The following SLCO3A1 variants were observed in gnomAD, a reference collection of about 807,000 sequenced individuals.
SLCO3A1 encodes the protein PGE1 transporter.
In SLCO3A1, 27 loss-of-function variants were observed where a neutral mutation model predicts 63.1. The ratio of observed to expected loss-of-function variants is 0.43; its 90% CI spans 0.32 to 0.59. SLCO3A1 has a LOEUF of 0.59. Ranked by LOEUF, SLCO3A1 falls within the 20% of genes least tolerant of loss-of-function variation. SLCO3A1 has a pLI of 0.09. For synonymous variants in SLCO3A1, 473 were observed against 409.9 expected, an observed-to-expected ratio of 1.15 and a Z score of -1.86; for missense variants, 773 against 945.8, an observed-to-expected ratio of 0.82 and a Z score of 2.40.
At chr15:91,888,289 T>A (rs1428610530) in intron 1 of SLCO3A1, among the ~76,000 whole-genome samples, 1 of 152,192 alleles carries the variant, frequency 6.6e-6, no homozygotes, top group Non-Finnish European at 1.5e-5. Flanking sequence ...GTTCAGAGAC[T>A]GGCCCGTCGA....
intron 2 of SLCO3A1, among the ~76,000 whole-genome samples, chr15:92,018,351 G>A (rs1187576772): frequency 6.6e-6 from 1 of 152,200 alleles, no homozygotes; most frequent in East Asian, 1.9e-4. Flanking sequence ...GGGCCCTGGT[G>A]ATGGTTCAGA....
At position 91,872,464 on chromosome 15, in the gene SLCO3A1, G is replaced by A. The variant is rs963743611; in HGVS notation, c.180+18376G>A. Among the ~76,000 whole-genome samples the A allele has an allele frequency of 7.2e-5, 11 of 151,908 alleles. No homozygotes were observed. The highest frequency in any genetic ancestry group is 1.9e-4 in the East Asian group (1 of 5,174). On this transcript the variant is annotated intron_variant, in intron 1 of 9. Coordinates refer to ENST00000318445, the MANE Select transcript of SLCO3A1 (RefSeq NM_013272.4). The surrounding 1 kb of genome is among the most constrained non-coding windows in gnomAD (Gnocchi z 4.1). ...GGAGAATCACTTGAACCCGGGAGGC[G>A]GATAGGTTGCAGTGAGCCGAGACCA... is the stretch of plus-strand genomic sequence containing the variant.
intron 2 of SLCO3A1, among the ~76,000 whole-genome samples, chr15:92,086,244 T>A (rs549492669): frequency 3.9e-4 from 60 of 152,324 alleles, no homozygotes; most frequent in African/African-American, 1.4e-3. Context: ...TTTACACTCC[T>A]ACCAGCAGTG....
At chr15:92,067,817 TG>T (rs112437926) in intron 2 of SLCO3A1, among the ~76,000 whole-genome samples, 22,328 of 152,126 alleles carry the variant, frequency 0.15, 1,695 homozygotes, top group African/African-American at 0.18. Context: ...ACAACAGAAA[TG>T]TATTTGTCAT....
chr15:92,004,824 A>G (rs1385288293), intron 2 of SLCO3A1, among the ~76,000 whole-genome samples: 1 of 152,148 alleles, frequency 6.6e-6, no homozygotes, highest in East Asian at 1.9e-4. Flanking sequence ...TTTACTTTTC[A>G]TCCTGGATGC....
intron 2 of SLCO3A1, among the ~76,000 whole-genome samples, chr15:92,049,519 G>T (rs2046931586): frequency 1.3e-5 from 2 of 152,160 alleles, no homozygotes; most frequent in South Asian, 2.1e-4. Flanking sequence ...TTGGGACAAA[G>T]ATTTTACCAA....
In SLCO3A1 at chr15:91,854,860, A is replaced by T. The variant is rs1021222477; in HGVS notation, c.180+772A>T. The stretch of plus-strand genomic sequence containing the variant: ...ATTTGCCTCCAGAAAGGGGATGTTA[A>T]TGCTCAGAGGGCCCATGGGTGCGTA... On this transcript the variant is annotated intron_variant, in intron 1 of 9. Transcript: ENST00000318445. This position sits in a 1 kb window ranked among gnomAD's most constrained non-coding sequence, Gnocchi z 6.4. Among the ~76,000 whole-genome samples, 1 of 152,170 alleles carries T rather than the reference A, an allele frequency of 6.6e-6. No individual in the cohort carries two copies. Among genetic ancestry groups the T allele is most frequent in the East Asian group, 1.9e-4 (1 of 5,182 alleles).
chr15:91,977,733 G>A (rs1426617126), intron 2 of SLCO3A1, among the ~76,000 whole-genome samples: 1 of 152,132 alleles, frequency 6.6e-6, no homozygotes, highest in Non-Finnish European at 1.5e-5. Flanking sequence ...AAAAACACCT[G>A]TACCCCAAAA....
Position 91,872,032 on chromosome 15 carries a change from C to A in SLCO3A1, c.180+17944C>A, listed in dbSNP as rs1897294011. The stretch of plus-strand genomic sequence containing the variant: ...TTCATTGTTTTGCTTTTCAGAATTA[C>A]AAAATGGGATGATGAGTTCAAGGGA... On this transcript the variant is annotated intron_variant, in intron 1 of 9. Coordinates refer to ENST00000318445, the MANE Select transcript of SLCO3A1 (RefSeq NM_013272.4). This position sits in a 1 kb window ranked among gnomAD's most constrained non-coding sequence, Gnocchi z 4.1. Among the ~76,000 whole-genome samples, 1 of 151,978 alleles carries A rather than the reference C, an allele frequency of 6.6e-6. No homozygotes were observed. Among genetic ancestry groups the A allele is most frequent in the South Asian group, 2.1e-4 (1 of 4,824 alleles).
At chr15:92,005,081 C>T (rs1172137333) in intron 2 of SLCO3A1, among the ~76,000 whole-genome samples, 1 of 152,194 alleles carries the variant, frequency 6.6e-6, no homozygotes, top group Non-Finnish European at 1.5e-5. Context: ...ATGATATTTG[C>T]ATTGTTTATT....
intron 9 of SLCO3A1, among the ~76,000 whole-genome samples, chr15:92,158,727 G>A (rs1302307602): frequency 6.6e-6 from 1 of 152,166 alleles, no homozygotes; most frequent in East Asian, 1.9e-4. Flanking sequence ...TGACTCATCA[G>A]GTGAGTTCCA....
At chr15:92,129,011 T>A (rs1278601315) in intron 7 of SLCO3A1, among the ~76,000 whole-genome samples, 1 of 152,212 alleles carries the variant, frequency 6.6e-6, no homozygotes, top group Non-Finnish European at 1.5e-5. Context: ...TTTTCCTGCT[T>A]AGCGTGGATT....
Position 92,016,262 on chromosome 15 carries a change from A to ATAGATAGATAGATATAGATAGATAGAT in SLCO3A1, c.647-78605_647-78604insTAGATAGATAGATTAGATAGATAGATA, listed in dbSNP as rs1567068118. Among the ~76,000 whole-genome samples, 265 of 112,842 alleles carry ATAGATAGATAGATATAGATAGATAGAT rather than the reference A, an allele frequency of 2.3e-3. 2 individuals carry two copies. The highest frequency in any genetic ancestry group is 8.3e-3 in the African/African-American group (250 of 30,098). The allele number at this position is 112,842 out of a possible 152,430, so 74.0% of individuals were successfully genotyped here. A position where few individuals can be genotyped will look rare whatever the true frequency, so the allele number is the denominator to read the frequency against. ...ATAGATAGATAGATAGATTAGATAG[A>ATAGATAGATAGATATAGATAGATAGAT]TAGATAGATAGATAGATAGATGTTA... On this transcript the variant is annotated intron_variant, in intron 2 of 9. Transcript: ENST00000318445.
At chr15:92,114,885 A>G (rs980097986) in intron 4 of SLCO3A1, among the ~76,000 whole-genome samples, 47 of 152,140 alleles carry the variant, frequency 3.1e-4, no homozygotes, top group African/African-American at 1.0e-3. Flanking sequence ...TTCTTGGGCA[A>G]GGTGGAATTT....
chr15:92,090,732 AAG>A (rs1567114196), intron 2 of SLCO3A1, among the ~76,000 whole-genome samples: 3 of 152,182 alleles, frequency 2.0e-5, no homozygotes, highest in Non-Finnish European at 4.4e-5. Flanking sequence ...GAGCTTTGGA[AAG>A]AGAAGGACTG....
At chr15:92,006,856 A>T (rs575145482) in intron 2 of SLCO3A1, among the ~76,000 whole-genome samples, 26 of 152,378 alleles carry the variant, frequency 1.7e-4, no homozygotes, top group African/African-American at 6.3e-4. Flanking sequence ...CTCTAGGGAA[A>T]GCCCCCAAAT....
rs58884056 is a variant in SLCO3A1, at chr15:92,016,204, T to TATAGATAC, written c.647-78670_647-78669insCATAGATA. 5.1e-3 allele frequency among the ~76,000 whole-genome samples: 618 copies of TATAGATAC among 120,174 alleles called. 8 individuals carry two copies. The highest frequency in any genetic ancestry group is 0.011 in the Admixed American group (126 of 11,514). 78.8% of individuals were successfully genotyped at this position (120,174 alleles called of 152,430 possible). On this transcript the variant is annotated intron_variant, in intron 2 of 9. Coordinates refer to ENST00000318445, the MANE Select transcript of SLCO3A1 (RefSeq NM_013272.4). ...TGCAGATTTGTTGTATATATATTTA[T>TATAGATAC]ATAGATAGATAGATAGATAGATAGA...
chr15:92,029,430 G>C (rs2046618296), intron 2 of SLCO3A1, among the ~76,000 whole-genome samples: 1 of 152,188 alleles, frequency 6.6e-6, no homozygotes, highest in Non-Finnish European at 1.5e-5. Context: ...AGGCTTGGTA[G>C]GTGTCCATAT....
intron 3 of SLCO3A1, among the ~76,000 whole-genome samples, chr15:92,103,236 A>T (rs563861775): frequency 4.6e-5 from 7 of 152,124 alleles, no homozygotes; most frequent in Non-Finnish European, 7.4e-5. Context: ...AGATCTCCCC[A>T]GTTCTCCTTC....
Sources: gnomAD v4.1 joint callset for allele counts (sites outside exome capture counted in the v4.1 genomes callset) on GRCh38, gnomAD v4.1.1 for gene constraint, Gnocchi (gnomAD v3.1) non-coding constraint, MANE v1.5 for transcripts, NCBI Gene and HGNC (gene_info 2026-07-23, HGNC 2026-07-21) for gene names.